The following GPR176 variants were observed in gnomAD, a reference collection of about 807,000 sequenced individuals.
The protein encoded by GPR176 is G-protein coupled receptor 176.
Under a neutral mutation model 35.4 loss-of-function variants are expected in GPR176, and 26 were observed. The observed-to-expected ratio is 0.74, with a 90% CI of 0.54 to 1.02. The LOEUF is 1.02. Ranked by LOEUF, GPR176 falls within the 50% of genes least tolerant of loss-of-function variation. The pLI is 0.00. For synonymous variants in GPR176, 278 were observed against 271.3 expected (o/e 1.02, Z -0.24); for missense variants, 597 against 665.3 (o/e 0.90, Z 1.13).
intron 1 of GPR176, among the ~76,000 whole-genome samples, chr15:39,905,963 C>T (rs1440478139): frequency 1.3e-5 from 2 of 152,122 alleles, no homozygotes; most frequent in Admixed American, 1.3e-4. Flanking sequence ...CAAGATGCTA[C>T]CACTGGGGGA....
In GPR176 at chr15:39,865,487, C is replaced by T. The variant is rs146881315; in HGVS notation, c.172+54368G>A. Among the ~76,000 whole-genome samples the T allele has an allele frequency of 1.1e-3, 162 of 151,914 alleles. 2 individuals carry two copies. In the East Asian group the frequency reaches 0.026, roughly 24 times the overall value. On this transcript the variant is annotated intron_variant, in intron 1 of 2. Transcript: ENST00000561100. ...TACCATATGTTCTTCCTTATAAGTG[C>T]GAGTTTAATAATGTGTACACATGGA...
chr15:39,848,594 T>C (rs764753558), intron 1 of GPR176, among the ~76,000 whole-genome samples: 2 of 152,082 alleles, frequency 1.3e-5, no homozygotes, highest in African/African-American at 2.4e-5. Flanking sequence ...TTTTTAAAAA[T>C]TGAAATCATA....
intron 1 of GPR176, among the ~76,000 whole-genome samples, chr15:39,874,004 CA>C (rs2032149032): frequency 6.6e-6 from 1 of 152,136 alleles, no homozygotes; most frequent in Non-Finnish European, 1.5e-5. Context: ...ATGCTTCCCC[CA>C]AAACCTAATG....
chr15:39,812,714 G>A (rs1042329869), intron 1 of GPR176, among the ~76,000 whole-genome samples: 8 of 150,492 alleles, frequency 5.3e-5, no homozygotes, highest in Non-Finnish European at 1.0e-4. Context: ...ACTAATACAA[G>A]TATATTCCTA....
At chr15:39,865,517 G>C (rs1414363931) in intron 1 of GPR176, among the ~76,000 whole-genome samples, 1 of 152,124 alleles carries the variant, frequency 6.6e-6, no homozygotes, top group African/African-American at 2.4e-5. Context: ...CATGGAGGTA[G>C]AGCATGGAAT....
chr15:39,880,779 C>T (rs2032444102), intron 1 of GPR176, among the ~76,000 whole-genome samples: 1 of 152,080 alleles, frequency 6.6e-6, no homozygotes, highest in African/African-American at 2.4e-5. Flanking sequence ...ATGTTATCTC[C>T]TTTACTTCTT....
intron 1 of GPR176, among the ~76,000 whole-genome samples, chr15:39,829,856 G>A (rs1436060624): frequency 1.3e-5 from 2 of 152,090 alleles, no homozygotes; most frequent in African/African-American, 2.4e-5. Context: ...CTAAAGCTGC[G>A]AGGTTCACAC....
intron 1 of GPR176, among the ~76,000 whole-genome samples, chr15:39,818,269 T>C (rs1202050688): frequency 1.3e-5 from 2 of 152,240 alleles, no homozygotes. Context: ...CATGTTATTT[T>C]AGCTACAATT....
chr15:39,866,722 A>G (rs2031845890), intron 1 of GPR176, among the ~76,000 whole-genome samples: 1 of 152,244 alleles, frequency 6.6e-6, no homozygotes, highest in South Asian at 2.1e-4. Flanking sequence ...CATCACACAA[A>G]ACACCTGTGT....
At chr15:39,829,589 C>CTGTCATAAAACACTTA (rs1900923246) in intron 1 of GPR176, among the ~76,000 whole-genome samples, 1 of 151,954 alleles carries the variant, frequency 6.6e-6, no homozygotes, top group Admixed American at 6.6e-5. Flanking sequence ...ACTACTTTCT[C>CTGTCATAAAACACTTA]TGTTATAAAC....
chr15:39,801,699 GACAGATTTGTTC>G lies in GPR176; in HGVS notation c.969_980del (p.Asn324_Val327del). The stretch of plus-strand genomic sequence containing the variant: ...CCAGGGTCCCTATCAAGCACTTGCG[GACAGATTTGTTC>G]ACAGTAAGAAAGAGAACAGGGTTTG... On this transcript the variant is annotated inframe_deletion, in exon 3 of 3. Transcript: ENST00000561100. The G allele has an allele frequency of 6.2e-7, 1 of 1,613,528 alleles. No individual in the cohort carries two copies. Among genetic ancestry groups the G allele is most frequent in the Non-Finnish European group, 8.5e-7 (1 of 1,179,526 alleles).
Position 39,898,519 on chromosome 15 carries a change from G to C in GPR176, c.172+21336C>G, listed in dbSNP as rs910154028. Among the ~76,000 whole-genome samples, 4 of 152,194 alleles carry C rather than the reference G, an allele frequency of 2.6e-5. No homozygotes were observed. The East Asian group carries it at 7.7e-4, about 29-fold the overall frequency. On this transcript the variant is annotated intron_variant, in intron 1 of 2. Coordinates refer to ENST00000561100, the MANE Select transcript of GPR176 (RefSeq NM_007223.3). ...TGAAGAATGAGAGGAGATAGCCAGT[G>C]AACAAAGCAGAGAAGAGCTTTTATG... is the stretch of plus-strand genomic sequence containing the variant.
At chr15:39,835,317 C>T (rs1019993619) in intron 1 of GPR176, among the ~76,000 whole-genome samples, 42 of 151,744 alleles carry the variant, frequency 2.8e-4, no homozygotes, top group Non-Finnish European at 4.0e-4. Context: ...CTGTGCCCGG[C>T]CAAAATATCT....
At chr15:39,806,262 A>G (rs1899182061) in intron 2 of GPR176, among the ~76,000 whole-genome samples, 1 of 152,262 alleles carries the variant, frequency 6.6e-6, no homozygotes, top group South Asian at 2.1e-4. Context: ...AAAAGTACTC[A>G]TGGACATAAA....
intron 1 of GPR176, among the ~76,000 whole-genome samples, chr15:39,818,000 T>G (rs920249204): frequency 6.6e-6 from 1 of 152,236 alleles, no homozygotes; most frequent in Non-Finnish European, 1.5e-5. Flanking sequence ...AGAGTCAGTG[T>G]TGACAGAGTG....
intron 1 of GPR176, among the ~76,000 whole-genome samples, chr15:39,884,842 T>C (rs570189899): frequency 1.3e-5 from 2 of 152,306 alleles, no homozygotes; most frequent in African/African-American, 4.8e-5. Context: ...ACCCCCACTC[T>C]GCACAAGAGT....
chr15:39,908,395 G>A (rs2033481122), intron 1 of GPR176, among the ~76,000 whole-genome samples: 1 of 152,114 alleles, frequency 6.6e-6, no homozygotes. Context: ...TATTAAATGA[G>A]TCACTAACCC....
chr15:39,896,251 G>T (rs1334574067), intron 1 of GPR176, among the ~76,000 whole-genome samples: 1 of 148,620 alleles, frequency 6.7e-6, no homozygotes, highest in African/African-American at 2.6e-5. Context: ...TACAGACAGG[G>T]TCTCACAAAG....
At chr15:39,840,673 T>C (rs917898605) in intron 1 of GPR176, among the ~76,000 whole-genome samples, 2 of 152,108 alleles carry the variant, frequency 1.3e-5, no homozygotes, top group African/African-American at 2.4e-5. Context: ...ATATTTGACA[T>C]TGTCAATGTA....
Sources: allele counts gnomAD v4.1 joint callset (sites outside exome capture counted in the v4.1 genomes callset), GRCh38; gene constraint gnomAD v4.1.1; transcripts MANE v1.5; gene names NCBI Gene and HGNC (gene_info 2026-07-23, HGNC 2026-07-21).